The following AQP7 variants were observed in gnomAD, a reference collection of about 807,000 sequenced individuals.
AQP7 encodes aquaporin 7, also known as aquaporin-7.
A neutral mutation model predicts 26.1 loss-of-function variants in AQP7; 22 were observed. That is an observed-to-expected ratio of 0.84 (90% CI 0.60 to 1.20). The LOEUF is 1.20. AQP7 is among the 50% of genes most tolerant of loss of function. The pLI is 0.00. For missense variants in AQP7, 412 were observed against 457.5 expected (o/e 0.90, Z 0.91); for synonymous variants, 167 against 181.7 (o/e 0.92, Z 0.65).
intron 3 of AQP7, among the ~76,000 whole-genome samples, chr9:33,394,782 GCCACCGCA>G (rs1825711193): frequency 6.6e-6 from 1 of 152,122 alleles, no homozygotes; most frequent in Non-Finnish European, 1.5e-5. Flanking sequence ...ACAGGCATGA[GCCACCGCA>G]CCTGGGCCTC....
intron 2 of AQP7, among the ~76,000 whole-genome samples, chr9:33,399,348 A>C (rs1330313470): frequency 6.6e-6 from 1 of 152,008 alleles, no homozygotes; most frequent in Admixed American, 6.5e-5. Context: ...TAATCCCAAC[A>C]CTTTAGGAGG....
At chr9:33,386,763 G>A (rs1824853433) in intron 4 of AQP7, among the ~76,000 whole-genome samples, 1 of 152,218 alleles carries the variant, frequency 6.6e-6, no homozygotes, top group South Asian at 2.1e-4. Flanking sequence ...AGATGACCCA[G>A]CCAGTGAAAA....
intron 2 of AQP7, 31 bp downstream of exon 2, chr9:33,401,206 C>A (rs1466560145): frequency 6.5e-7 from 1 of 1,548,508 alleles, no homozygotes; most frequent in Admixed American, 2.0e-5. Flanking sequence ...GGACAGGGGG[C>A]TGGAGGGTGA....
Position 33,384,385 on chromosome 9 carries a change from A to G in AQP7, c.*620T>C, listed in dbSNP as rs1824556369. The G allele has an allele frequency of 6.6e-6, 1 of 152,116 alleles. No individual in the cohort carries two copies. Among genetic ancestry groups the G allele is most frequent in the Non-Finnish European group, 1.5e-5 (1 of 68,030 alleles). 9.4% of individuals were successfully genotyped at this position (152,116 alleles called of 1,614,324 possible). A position where few individuals can be genotyped will look rare whatever the true frequency, so the allele number is the denominator to read the frequency against. ...AACTGATTCTTAAAAGGGGAGGTGA[A>G]AAAAAAATCTTACTCTTTTTTATGT... On this transcript the variant is annotated 3_prime_UTR_variant, in exon 8 of 8. Coordinates refer to ENST00000297988, the MANE Select transcript of AQP7 (RefSeq NM_001170.3).
rs373004742 is a variant in AQP7 at position 33,386,472 on chromosome 9, G to A, written c.338C>T (p.Pro113Leu). ...ALGRVPWRKF[P>L]VYVLGQFLGS... is the part of the protein sequence containing the mutation. ...CAGGAACTGCCCCAGCACATAGACC[G>A]GAAACTTCCTCCAGGGCACGCGGCC... Residue 113 changes from proline to leucine, a missense_variant, in exon 5 of 8, where the codon CCG becomes CTG. Coordinates refer to ENST00000297988, the MANE Select transcript of AQP7 (RefSeq NM_001170.3). 12 of 1,612,054 alleles carry A rather than the reference G, an allele frequency of 7.4e-6. No homozygotes were observed. The highest frequency in any genetic ancestry group is 3.3e-5 in the South Asian group (3 of 90,496).
In AQP7 at chr9:33,391,841, T is replaced by A. The variant is rs147910320; in HGVS notation, c.144+3237A>T. ...TACTGTCTTCAATCCTCACAGCAAA[T>A]CTGCACGGCAAGAATTTTTCTCCCA... On this transcript the variant is annotated intron_variant, in intron 3 of 7. Coordinates refer to ENST00000297988, the MANE Select transcript of AQP7 (RefSeq NM_001170.3). 1.6e-3 allele frequency among the ~76,000 whole-genome samples: 247 copies of A among 152,250 alleles called. 1 individual carries two copies. Among genetic ancestry groups the A allele is most frequent in the African/African-American group, 5.6e-3 (234 of 41,528 alleles).
At chr9:33,402,088 A>G (rs1044242152) in intron 1 of AQP7, among the ~76,000 whole-genome samples, 13 of 152,144 alleles carry the variant, frequency 8.5e-5, no homozygotes, top group African/African-American at 3.1e-4. Flanking sequence ...CTGACAGCCC[A>G]GCTCAGTGCA....
intron 4 of AQP7, 69 bp downstream of exon 4, chr9:33,386,900 G>T: frequency 6.3e-7 from 1 of 1,598,390 alleles, no homozygotes. Flanking sequence ...AGCTGGCTGA[G>T]GCGGGCAGGA....
At chr9:33,400,342 GCCAGAGTAAT>G (rs1405992470) in intron 2 of AQP7, among the ~76,000 whole-genome samples, 1 of 152,152 alleles carries the variant, frequency 6.6e-6, no homozygotes, top group Non-Finnish European at 1.5e-5. Flanking sequence ...AAATAGGGCA[GCCAGAGTAAT>G]CCTTGTTGAG....
chr9:33,398,750 T>C (rs1826031660), intron 2 of AQP7, among the ~76,000 whole-genome samples: 1 of 151,930 alleles, frequency 6.6e-6, no homozygotes, highest in Admixed American at 6.6e-5. Context: ...TGGTCTCACT[T>C]ACAGACACAT....
chr9:33,385,145 C>T lies in AQP7; in HGVS notation c.889G>A (p.Gly297Arg), dbSNP rs749112658. Residue 297 changes from glycine (G) to arginine (R), a missense_variant, in exon 8 of 8, where the codon GGG (glycine) becomes AGG (arginine). Physicochemically the swap from Gly to Arg is moderately radical, Grantham distance 125 (BLOSUM62 -2). Transcript: ENST00000297988. Reference protein sequence around the residue: ...LEDSVAYEDHGITVLPKMGSH... With the variant: ...LEDSVAYEDHRITVLPKMGSH... Reference sequence around the variant, plus strand: ...CCCATCTTGGGCAATACGGTTATCCCGTGGTCTTCATACGCCACAGAATCC... The same window carrying T: ...CCCATCTTGGGCAATACGGTTATCCTGTGGTCTTCATACGCCACAGAATCC... 4.1e-5 allele frequency: 66 copies of T among 1,611,796 alleles called. No homozygotes were observed. The highest frequency in any genetic ancestry group is 5.0e-5 in the Admixed American group (3 of 59,990).
In AQP7 at chr9:33,401,001, C is replaced by A. The variant is rs1461942958; in HGVS notation, c.26+236G>T. The A allele has an allele frequency of 8.8e-6, 5 of 570,986 alleles. No individual in the cohort carries two copies. In the Admixed American group the frequency reaches 1.5e-4, roughly 17 times the overall value. The allele number at this position is 570,986 out of a possible 1,614,324, so 35.4% of individuals were successfully genotyped here. On this transcript the variant is annotated intron_variant, in intron 2 of 7. Coordinates refer to ENST00000297988, the MANE Select transcript of AQP7 (RefSeq NM_001170.3). ...AGTTGAGTTGAAGGCCACCTGCATG[C>A]CTTGACCCTCATCCAAGTATTTCTG...
At chr9:33,385,560 T>A in intron 7 of AQP7, 89 bp downstream of exon 7, 1 of 1,488,336 alleles carries the variant, frequency 6.7e-7, no homozygotes, top group East Asian at 2.3e-5. Context: ...AGGACCCTCC[T>A]GTGCTGCCCC....
rs73645283 is a variant in AQP7, at chr9:33,393,933, C to T, written c.144+1145G>A. Reference sequence around the variant, plus strand: ...GTTCCTTCTCAGGCTCCTTTGCATGCCCTTCTTCATTCCTCAGGGCTCTGT... The same window carrying T: ...GTTCCTTCTCAGGCTCCTTTGCATGTCCTTCTTCATTCCTCAGGGCTCTGT... On this transcript the variant is annotated intron_variant, in intron 3 of 7. Coordinates refer to ENST00000297988, the MANE Select transcript of AQP7 (RefSeq NM_001170.3). 319 of 152,774 alleles carry T rather than the reference C, an allele frequency of 2.1e-3. 4 individuals carry two copies. Among genetic ancestry groups the T allele is most frequent in the South Asian group, 0.01 (50 of 4,834 alleles). The allele number at this position is 152,774 out of a possible 1,614,324, so 9.5% of individuals were successfully genotyped here.
intron 2 of AQP7, among the ~76,000 whole-genome samples, chr9:33,396,434 A>G (rs1825853313): frequency 1.1e-5 from 1 of 94,652 alleles, no homozygotes; most frequent in Non-Finnish European, 2.1e-5. Context: ...GCGAGACTCC[A>G]TCTCAAAAAA....
chr9:33,389,980 A>C (rs1210257620), intron 3 of AQP7, among the ~76,000 whole-genome samples: 1 of 150,306 alleles, frequency 6.7e-6, no homozygotes, highest in Non-Finnish European at 1.5e-5. Context: ...GTGAGCCGAG[A>C]TCACGCCACT....
At chr9:33,394,486 C>CTTTTTTTTTTTTTTTTTT (rs56966031) in intron 3 of AQP7, among the ~76,000 whole-genome samples, 1 of 115,112 alleles carries the variant, frequency 8.7e-6, no homozygotes, top group Non-Finnish European at 1.9e-5. Flanking sequence ...CTCTCTCTCT[C>CTTTTTTTTTTTTTTTTTT]TTTTTTTTTT....
At chr9:33,397,340 A>G (rs951182451) in intron 2 of AQP7, among the ~76,000 whole-genome samples, 4 of 151,696 alleles carry the variant, frequency 2.6e-5, no homozygotes, top group Non-Finnish European at 5.9e-5. Flanking sequence ...CCCTGCCTCT[A>G]TGGTACCTTC....
At chr9:33,400,603 G>A (rs545633704) in intron 2 of AQP7, among the ~76,000 whole-genome samples, 11 of 152,212 alleles carry the variant, frequency 7.2e-5, no homozygotes, top group South Asian at 2.1e-4. Context: ...CGAACATGGC[G>A]AAACCCCATT....
Sources: gnomAD v4.1 joint callset for allele counts (sites outside exome capture counted in the v4.1 genomes callset) on GRCh38, gnomAD v4.1.1 for gene constraint, MANE v1.5 for transcripts, NCBI Gene and HGNC (gene_info 2026-07-23, HGNC 2026-07-21) for gene names.